The following ZMAT4 variants were observed in gnomAD, a reference collection of about 807,000 sequenced individuals.
ZMAT4 encodes the protein zinc finger matrin-type 4.
A neutral mutation model predicts 28.7 loss-of-function variants in ZMAT4; 17 were observed. The observed-to-expected ratio is 0.59, with a 90% CI of 0.41 to 0.89. The LOEUF (loss-of-function observed/expected upper bound fraction) is 0.89, where lower values mean the gene tolerates loss of function less well. Among genes scored for constraint, ZMAT4 ranks in the 40% least tolerant of loss-of-function variants. ZMAT4 has a pLI of 0.00. For missense variants in ZMAT4, 240 were observed against 283.8 expected, an observed-to-expected ratio of 0.85 and a Z score of 1.11; for synonymous variants, 117 against 109.2, an observed-to-expected ratio of 1.07 and a Z score of -0.44.
At position 40,716,826 on chromosome 8, in the gene ZMAT4, A is replaced by T. The variant is rs9298601; in HGVS notation, c.193-19425T>A. The stretch of plus-strand genomic sequence containing the variant: ...GCAAGTCTCCTTGAGATATCAACAA[A>T]GACCTAGGCCTTTTTACTTTGTTAG... On this transcript the variant is annotated intron_variant, in intron 3 of 6. Coordinates refer to ENST00000297737, the MANE Select transcript of ZMAT4 (RefSeq NM_024645.3). Among the ~76,000 whole-genome samples the T allele has an allele frequency of 1.7e-3, 261 of 151,566 alleles. 5 individuals carry two copies. The East Asian group carries it at 0.044, about 25-fold the overall frequency.
At chr8:40,715,441 A>G (rs1810810245) in intron 3 of ZMAT4, among the ~76,000 whole-genome samples, 1 of 152,222 alleles carries the variant, frequency 6.6e-6, no homozygotes. Context: ...AAGAGTAGAA[A>G]CAAAACCTGA....
At chr8:40,780,688 A>G (rs1449176122) in intron 2 of ZMAT4, among the ~76,000 whole-genome samples, 1 of 152,262 alleles carries the variant, frequency 6.6e-6, no homozygotes. Flanking sequence ...CAGACATATT[A>G]GGTAGTAGGA....
At chr8:40,671,839 AATAGTTTCTTATAAAAAAT>A (rs1488104341) in intron 5 of ZMAT4, among the ~76,000 whole-genome samples, 2 of 152,348 alleles carry the variant, frequency 1.3e-5, no homozygotes, top group Non-Finnish European at 2.9e-5. Flanking sequence ...CAAAATTAGA[AATAGTTTCTTATAAAAAAT>A]ATTAAATCAG....
chr8:40,745,361 T>C (rs765835571), intron 3 of ZMAT4, among the ~76,000 whole-genome samples: 2 of 152,154 alleles, frequency 1.3e-5, no homozygotes, highest in Non-Finnish European at 2.9e-5. Context: ...TTCGAAGGTA[T>C]TTAAAAGCAA....
At chr8:40,568,533 A>G (rs577857227) in intron 6 of ZMAT4, among the ~76,000 whole-genome samples, 12 of 152,296 alleles carry the variant, frequency 7.9e-5, no homozygotes, top group African/African-American at 1.9e-4. Flanking sequence ...GGGCATTTTC[A>G]TAATTTTGGG....
At chr8:40,866,792 T>C (rs1817689373) in intron 1 of ZMAT4, among the ~76,000 whole-genome samples, 1 of 152,200 alleles carries the variant, frequency 6.6e-6, no homozygotes, top group East Asian at 1.9e-4. Flanking sequence ...TCCAACAGGA[T>C]ACACATATAA....
chr8:40,553,985 A>G (rs1803445437), intron 6 of ZMAT4, among the ~76,000 whole-genome samples: 1 of 152,182 alleles, frequency 6.6e-6, no homozygotes, highest in Non-Finnish European at 1.5e-5. Flanking sequence ...AATTAACAAG[A>G]GCATTTTCAT....
chr8:40,889,165 G>A (rs182388047), intron 1 of ZMAT4, among the ~76,000 whole-genome samples: 262 of 152,316 alleles, frequency 1.7e-3, no homozygotes, highest in Non-Finnish European at 2.7e-3. Flanking sequence ...CACTGCAGGT[G>A]ACAGGGCCCG....
At chr8:40,572,820 T>C (rs1804140471) in intron 6 of ZMAT4, among the ~76,000 whole-genome samples, 1 of 152,170 alleles carries the variant, frequency 6.6e-6, no homozygotes, top group Non-Finnish European at 1.5e-5. Flanking sequence ...GTTTACAGCT[T>C]TTGCCCCAAA....
Position 40,567,684 on chromosome 8 carries a change from C to G in ZMAT4, c.674+13481G>C, listed in dbSNP as rs558401359. ...TGCCACTGCACTCCAGCCTGGGGGACAGAGCAAGACTGTCTCAAAAAAAAA... is the reference window on the plus strand; with the variant it reads ...TGCCACTGCACTCCAGCCTGGGGGAGAGAGCAAGACTGTCTCAAAAAAAAA... On this transcript the variant is annotated intron_variant, in intron 6 of 6. Coordinates refer to ENST00000297737, the MANE Select transcript of ZMAT4 (RefSeq NM_024645.3). Among the ~76,000 whole-genome samples the G allele has an allele frequency of 4.6e-3, 635 of 138,078 alleles. 9 individuals are homozygous for G. Among genetic ancestry groups the G allele is most frequent in the African/African-American group, 0.017 (606 of 36,564 alleles). The allele number at this position is 138,078 out of a possible 152,430, so 90.6% of individuals were successfully genotyped here.
At chr8:40,656,233 C>G (rs1483496575) in intron 5 of ZMAT4, among the ~76,000 whole-genome samples, 1 of 152,002 alleles carries the variant, frequency 6.6e-6, no homozygotes, top group Admixed American at 6.6e-5. Flanking sequence ...AAAAGTAAAT[C>G]AAAGCCACAG....
At chr8:40,662,310 T>C (rs1024762417) in intron 5 of ZMAT4, among the ~76,000 whole-genome samples, 1 of 152,036 alleles carries the variant, frequency 6.6e-6, no homozygotes, top group Non-Finnish European at 1.5e-5. Flanking sequence ...TGAGTAGGGG[T>C]GTTTTGTTGT....
chr8:40,545,737 C>G (rs1303616325), intron 6 of ZMAT4, among the ~76,000 whole-genome samples: 1 of 152,118 alleles, frequency 6.6e-6, no homozygotes, highest in Non-Finnish European at 1.5e-5. Context: ...ATGCCTTGAT[C>G]TTGAACTTCT....
intron 1 of ZMAT4, among the ~76,000 whole-genome samples, chr8:40,896,132 C>G (rs375559000): frequency 6.6e-6 from 1 of 151,992 alleles, no homozygotes; most frequent in African/African-American, 2.4e-5. Context: ...AATCACAGTT[C>G]CCACCCAAAA....
At chr8:40,811,684 A>G (rs879341389) in intron 2 of ZMAT4, among the ~76,000 whole-genome samples, 8 of 152,208 alleles carry the variant, frequency 5.3e-5, no homozygotes, top group Non-Finnish European at 1.0e-4. Context: ...GTTAAAAGGT[A>G]ATAGATGCTC....
chr8:40,822,497 T>G (rs1815866840), intron 2 of ZMAT4, among the ~76,000 whole-genome samples: 1 of 152,156 alleles, frequency 6.6e-6, no homozygotes, highest in African/African-American at 2.4e-5. Context: ...ACTCCATAAG[T>G]CACTGCAGCA....
chr8:40,825,228 G>A (rs192048632), intron 2 of ZMAT4, among the ~76,000 whole-genome samples: 1 of 152,302 alleles, frequency 6.6e-6, no homozygotes, highest in East Asian at 1.9e-4. Flanking sequence ...GGAGACAGGA[G>A]CTGGCACAAT....
intron 3 of ZMAT4, among the ~76,000 whole-genome samples, chr8:40,747,961 T>C (rs1413952135): frequency 6.6e-6 from 1 of 152,140 alleles, no homozygotes; most frequent in Non-Finnish European, 1.5e-5. Flanking sequence ...ATCAAAAATT[T>C]TAAACGACCA....
At chr8:40,693,472 C>T (rs998588474) in intron 4 of ZMAT4, among the ~76,000 whole-genome samples, 88 of 152,272 alleles carry the variant, frequency 5.8e-4, no homozygotes, top group African/African-American at 2.0e-3. Context: ...TGGTGCACAG[C>T]CTGGGAAGAC....
Sources: gnomAD v4.1 joint callset for allele counts (sites outside exome capture counted in the v4.1 genomes callset) on GRCh38, gnomAD v4.1.1 for gene constraint, MANE v1.5 for transcripts, NCBI Gene and HGNC (gene_info 2026-07-23, HGNC 2026-07-21) for gene names.